The following PLXNA2 variants were observed in gnomAD, a reference collection of about 807,000 sequenced individuals.
PLXNA2 encodes the protein plexin-A2.
Under a neutral mutation model 193.5 loss-of-function variants are expected in PLXNA2, and 91 were observed. That is an observed-to-expected ratio of 0.47 (90% CI 0.40 to 0.56). The LOEUF (loss-of-function observed/expected upper bound fraction) is 0.56. Among genes scored for constraint, PLXNA2 ranks in the 20% least tolerant of loss-of-function variants. PLXNA2 has a pLI of 0.00. For missense variants in PLXNA2, 1,995 were observed against 2,503.2 expected, an observed-to-expected ratio of 0.80 and a Z score of 4.33; for synonymous variants, 997 against 1,027.3, an observed-to-expected ratio of 0.97 and a Z score of 0.56.
At chr1:208,097,080 T>C (rs1666922771) in intron 6 of PLXNA2, among the ~76,000 whole-genome samples, 197 bp from the exon 7 acceptor site, 1 of 152,208 alleles carries the variant, frequency 6.6e-6, no homozygotes. Flanking sequence ...GTAGGGTCAA[T>C]GGTCTTTATT....
rs748345804 is a variant in PLXNA2 at position 208,031,721 on chromosome 1, G to T, written c.5094C>A (p.Thr1698=). The T allele has an allele frequency of 5.0e-6, 8 of 1,611,096 alleles. No homozygotes were observed. The South Asian group carries it at 6.6e-5, about 13-fold the overall frequency. The change falls in exon 29 of 32, where the codon ACC becomes ACA. Residue 1698 remains threonine, a synonymous_variant. Coordinates refer to ENST00000367033, the MANE Select transcript of PLXNA2 (RefSeq NM_025179.4). ...LQKFVDDLFE[T]LFSTVHRGSA... ...TGCCCCGGTGCACAGTGCTGAACAA[G>T]GTCTCAAACAAGTCGTCCACAAACT...
intron 7 of PLXNA2, among the ~76,000 whole-genome samples, 188 bp downstream of exon 7, chr1:208,096,542 T>C (rs1223722807): frequency 2.0e-5 from 3 of 152,184 alleles, no homozygotes; most frequent in Non-Finnish European, 4.4e-5. Context: ...TAACTCAAAG[T>C]GGAGCAAGTG....
chr1:208,045,666 T>A (rs1022463549), intron 18 of PLXNA2, among the ~76,000 whole-genome samples: 1 of 152,214 alleles, frequency 6.6e-6, no homozygotes, highest in African/African-American at 2.4e-5. Context: ...AACAGAAATA[T>A]TCTAAAGTAT....
Position 208,027,264 on chromosome 1 carries a change from A to G in PLXNA2, c.5664T>C (p.Asn1888=), listed in dbSNP as rs1339428237. ...RLAYKVEQLI[N]AMSIES is the part of the protein sequence containing the mutation. ...CCTCTCAGCTCTCAATGGACATGGC[A>G]TTAATGAGCTGCTCCACCTTATAAG... The change falls in exon 32 of 32, where the codon AAT becomes AAC. Residue 1888 remains asparagine, a synonymous_variant. Transcript: ENST00000367033. 6.2e-7 allele frequency: 1 copy of G among 1,613,758 alleles called. No individual in the cohort carries two copies. Among genetic ancestry groups the G allele is most frequent in the South Asian group, 1.1e-5 (1 of 91,082 alleles).
Position 208,039,646 on chromosome 1 carries a change from C to G in PLXNA2, c.4475G>C (p.Arg1492Pro), listed in dbSNP as rs370843429. 6.2e-7 allele frequency: 1 copy of G among 1,614,138 alleles called. No individual in the cohort carries two copies. The highest frequency in any genetic ancestry group is 1.1e-5 in the South Asian group (1 of 91,090). Residue 1492 changes from arginine to proline, a missense_variant, in exon 24 of 32, where the codon CGG becomes CCG. Arg to Pro is a moderately radical substitution (Grantham distance 103). Transcript: ENST00000367033. Reference protein sequence around the residue: ...RYSLSEDKLIRQQIEYKTLIL... With the variant: ...RYSLSEDKLIPQQIEYKTLIL... ...CAGGGTCTTGTACTCGATCTGCTGCCGGATGAGCTTGTCCTCGCTCAGGGA... is the reference window on the plus strand; with the variant it reads ...CAGGGTCTTGTACTCGATCTGCTGCGGGATGAGCTTGTCCTCGCTCAGGGA...
intron 3 of PLXNA2, among the ~76,000 whole-genome samples, chr1:208,198,563 C>T (rs1042467402): frequency 3.3e-5 from 5 of 152,222 alleles, no homozygotes; most frequent in African/African-American, 9.6e-5. Flanking sequence ...TGACCCAGGC[C>T]GAGAGGGATG....
intron 3 of PLXNA2, among the ~76,000 whole-genome samples, chr1:208,162,805 T>C (rs1256735616): frequency 1.3e-5 from 2 of 152,154 alleles, no homozygotes; most frequent in East Asian, 1.9e-4. Context: ...ATACTCCTAG[T>C]AAGAACAGAG....
chr1:208,171,719 T>C (rs1405028581), intron 3 of PLXNA2, among the ~76,000 whole-genome samples: 1 of 152,016 alleles, frequency 6.6e-6, no homozygotes, highest in Non-Finnish European at 1.5e-5. Context: ...CCAGGCATGA[T>C]GTGGCATGCG....
chr1:208,068,382 A>G lies in PLXNA2; in HGVS notation c.2587-7545T>C, dbSNP rs576432108. On this transcript the variant is annotated intron_variant, in intron 12 of 31. Coordinates refer to ENST00000367033, the MANE Select transcript of PLXNA2 (RefSeq NM_025179.4). Reference sequence around the variant, plus strand: ...ATCTCCCTTGCTTTAATTTAAGCCAATTTCTGGTTTGATTCCTCATCGAAT... The same window carrying G: ...ATCTCCCTTGCTTTAATTTAAGCCAGTTTCTGGTTTGATTCCTCATCGAAT... Among the ~76,000 whole-genome samples the G allele has an allele frequency of 1.3e-4, 20 of 152,264 alleles. No homozygotes were observed. The South Asian group carries it at 3.3e-3, about 25-fold the overall frequency.
Position 208,028,785 on chromosome 1 carries a change from G to T in PLXNA2, c.5438+45C>A. On this transcript the variant is annotated intron_variant, in intron 30 of 31. Coordinates refer to ENST00000367033, the MANE Select transcript of PLXNA2 (RefSeq NM_025179.4). This position sits in a 1 kb window ranked among gnomAD's most constrained non-coding sequence, Gnocchi z 4.2. ...AGTGATGACTATAGAGCGGGGAATGGGCAGGGAGACAAGGGCATGGGCCTG... is the reference window on the plus strand; with the variant it reads ...AGTGATGACTATAGAGCGGGGAATGTGCAGGGAGACAAGGGCATGGGCCTG... 6.4e-7 allele frequency: 1 copy of T among 1,554,122 alleles called. No homozygotes were observed. The highest frequency in any genetic ancestry group is 8.8e-7 in the Non-Finnish European group (1 of 1,132,390).
chr1:208,200,510 G>T (rs978000636), intron 3 of PLXNA2, among the ~76,000 whole-genome samples: 7 of 149,566 alleles, frequency 4.7e-5, no homozygotes, highest in Non-Finnish European at 1.0e-4. Context: ...TTGACCCCAA[G>T]TAAGTCCATA....
rs539342055 is a variant in PLXNA2 at position 208,057,881 on chromosome 1, G to A, written c.2738+2805C>T. Among the ~76,000 whole-genome samples, 95 of 152,256 alleles carry A rather than the reference G, an allele frequency of 6.2e-4. 1 individual carries two copies. The highest frequency in any genetic ancestry group is 6.0e-4 in the Non-Finnish European group (41 of 68,012). ...CATGGGGCATACCATTTACTGGTTT[G>A]GACATCTAGAGGACCACCAAAGCAA... On this transcript the variant is annotated intron_variant, in intron 13 of 31. Transcript: ENST00000367033.
At chr1:208,146,174 C>T (rs1193643244) in intron 3 of PLXNA2, among the ~76,000 whole-genome samples, 1 of 152,176 alleles carries the variant, frequency 6.6e-6, no homozygotes, top group East Asian at 1.9e-4. Flanking sequence ...GGCAACACAC[C>T]AATGAGTGCA....
At chr1:208,072,637 A>G (rs1364453949) in intron 12 of PLXNA2, among the ~76,000 whole-genome samples, 2 of 152,122 alleles carry the variant, frequency 1.3e-5, no homozygotes, top group Non-Finnish European at 2.9e-5. Context: ...AACCCAACTG[A>G]GTGTGATAGC....
intron 29 of PLXNA2, 26 bp from the exon 30 acceptor site, chr1:208,029,068 G>C (rs370133068): frequency 6.2e-7 from 1 of 1,613,538 alleles, no homozygotes; most frequent in South Asian, 1.1e-5. Context: ...GAGAAGACTT[G>C]AGAATGCATG....
chr1:208,224,658 G>A (rs867523960), intron 1 of PLXNA2, among the ~76,000 whole-genome samples: 17 of 152,056 alleles, frequency 1.1e-4, no homozygotes, highest in Non-Finnish European at 8.8e-5. Context: ...GACTCTGTGC[G>A]GTTATGTGAA....
At chr1:208,183,947 T>C (rs1287185653) in intron 3 of PLXNA2, among the ~76,000 whole-genome samples, 1 of 152,156 alleles carries the variant, frequency 6.6e-6, no homozygotes, top group Non-Finnish European at 1.5e-5. Flanking sequence ...TAATTAAAAT[T>C]AAGTAAAATA....
intron 1 of PLXNA2, among the ~76,000 whole-genome samples, chr1:208,231,144 T>C (rs1178246084): frequency 6.6e-6 from 1 of 151,452 alleles, no homozygotes; most frequent in East Asian, 1.9e-4. Context: ...TGAGGGAGAG[T>C]GACGGGCGCA....
chr1:208,061,296 G>C (rs1182833382), intron 12 of PLXNA2, among the ~76,000 whole-genome samples: 1 of 152,130 alleles, frequency 6.6e-6, no homozygotes, highest in East Asian at 1.9e-4. Context: ...AAACCAGAGG[G>C]CTTTGTAATT....
Sources: gnomAD v4.1 joint callset for allele counts (sites outside exome capture counted in the v4.1 genomes callset) on GRCh38, gnomAD v4.1.1 for gene constraint, Gnocchi (gnomAD v3.1) non-coding constraint, MANE v1.5 for transcripts, NCBI Gene and HGNC (gene_info 2026-07-23, HGNC 2026-07-21) for gene names.